EHBP1: variants seen among roughly 807,000 people sequenced by gnomAD.
EHBP1 encodes EH domain binding protein 1.
Under a neutral mutation model 144.0 loss-of-function variants are expected in EHBP1, and 55 were observed. That is an observed-to-expected ratio of 0.38 (90% CI 0.31 to 0.48). The LOEUF (loss-of-function observed/expected upper bound fraction) is 0.48, where lower values mean the gene tolerates loss of function less well. EHBP1 is among the 20% of genes least tolerant of loss of function. The pLI, the probability that EHBP1 is intolerant of heterozygous loss-of-function variation, is 0.98. For missense variants in EHBP1, 1,200 were observed against 1,364.2 expected (o/e 0.88, Z 1.90); for synonymous variants, 469 against 472.7 (o/e 0.99, Z 0.10).
intron 16 of EHBP1, among the ~76,000 whole-genome samples, chr2:62,992,143 C>G (rs183263370): frequency 1.1e-4 from 16 of 152,074 alleles, no homozygotes; most frequent in Non-Finnish European, 1.9e-4. Flanking sequence ...GCTGGCTAAT[C>G]GCACTGATAT....
chr2:62,753,267 G>T (rs1001803051), intron 3 of EHBP1, among the ~76,000 whole-genome samples: 3 of 152,104 alleles, frequency 2.0e-5, no homozygotes, highest in Admixed American at 6.5e-5. Context: ...ATGAAGCTTA[G>T]TTTGGCTGGA....
intron 14 of EHBP1, among the ~76,000 whole-genome samples, chr2:62,972,468 A>G (rs1033141819): frequency 3.3e-5 from 5 of 152,170 alleles, no homozygotes; most frequent in Admixed American, 3.3e-4. Flanking sequence ...ATTAAAATGA[A>G]CTAGTTTTAC....
chr2:63,045,699 A>C lies in EHBP1; in HGVS notation c.*199A>C, dbSNP rs1300300203. 1 of 537,010 alleles carries C rather than the reference A, an allele frequency of 1.9e-6. No individual in the cohort carries two copies. The highest frequency in any genetic ancestry group is 1.9e-5 in the African/African-American group (1 of 52,432). The allele number at this position is 537,010 out of a possible 1,614,324, so 33.3% of individuals were successfully genotyped here. On this transcript the variant is annotated 3_prime_UTR_variant, in exon 23 of 23. Transcript: ENST00000431489. This position sits in a 1 kb window ranked among gnomAD's most constrained non-coding sequence, Gnocchi z 5.7. ...CAGAACTCCAAAATAGCTTCATTTA[A>C]GGATTTTTTTGTGAGTTAACAATTT... is the stretch of plus-strand genomic sequence containing the variant.
intron 5 of EHBP1, among the ~76,000 whole-genome samples, chr2:62,817,762 G>A (rs1489855458): frequency 1.3e-5 from 2 of 151,988 alleles, no homozygotes; most frequent in East Asian, 1.9e-4. Context: ...GAGTGTGTGC[G>A]TGTTCAGAGG....
At chr2:62,943,033 T>C (rs1209495906) in intron 11 of EHBP1, 137 bp downstream of exon 11, 2 of 658,976 alleles carry the variant, frequency 3.0e-6, no homozygotes, top group Non-Finnish European at 4.9e-6. Context: ...TTGAGAGATA[T>C]ATGTCAGAAA....
rs765529579 is a variant in EHBP1 at position 62,926,671 on chromosome 2, AAAC to A, written c.1186-16035_1186-16033del. 1.8e-4 allele frequency among the ~76,000 whole-genome samples: 27 copies of A among 152,192 alleles called. No homozygotes were observed. The East Asian group carries it at 2.5e-3, about 14-fold the overall frequency. On this transcript the variant is annotated intron_variant, in intron 10 of 22. Coordinates refer to ENST00000431489, the MANE Select transcript of EHBP1 (RefSeq NM_001142616.3). ...AAGATGGCTATTATCAAAAAGACAA[AAAC>A]AACAACAACAAAAAAACAAATGCTG...
At chr2:62,787,711 A>C (rs541243012) in intron 5 of EHBP1, among the ~76,000 whole-genome samples, 2 of 152,322 alleles carry the variant, frequency 1.3e-5, no homozygotes, top group African/African-American at 4.8e-5. Context: ...AAAAGGAAGA[A>C]TAAGCTATTG....
chr2:62,997,375 C>A (rs1412497917), intron 19 of EHBP1, among the ~76,000 whole-genome samples: 2 of 147,088 alleles, frequency 1.4e-5, no homozygotes, highest in African/African-American at 5.0e-5. Context: ...ATGCTGATTG[C>A]CAATGGTGAT....
intron 6 of EHBP1, among the ~76,000 whole-genome samples, chr2:62,826,861 G>A (rs1032257377): frequency 3.9e-5 from 6 of 152,110 alleles, no homozygotes; most frequent in Non-Finnish European, 7.4e-5. Context: ...ACAAAATGAG[G>A]TGAACATACC....
At position 62,904,596 on chromosome 2, in the gene EHBP1, G is replaced by A. The variant is rs721048; in HGVS notation, c.1185+30064G>A. Among the ~76,000 whole-genome samples, 20,208 of 152,112 alleles carry A rather than the reference G, an allele frequency of 0.13. 1,698 individuals are homozygous for A. The highest frequency in any genetic ancestry group is 0.18 in the Admixed American group (2,821 of 15,290). On this transcript the variant is annotated intron_variant, in intron 10 of 22. Coordinates refer to ENST00000431489, the MANE Select transcript of EHBP1 (RefSeq NM_001142616.3). ...CCTGAGGATTATCAAGGTCCCTTGG[G>A]GAATAAGGACCTCAGTGTGGAACAG...
At chr2:62,905,734 G>A (rs1259793470) in intron 10 of EHBP1, among the ~76,000 whole-genome samples, 1 of 151,964 alleles carries the variant, frequency 6.6e-6, no homozygotes, top group Admixed American at 6.6e-5. Flanking sequence ...TGAGGCATGA[G>A]AATCACTTGA....
chr2:62,679,653 C>T (rs2151725894), intron 1 of EHBP1, among the ~76,000 whole-genome samples: 1 of 152,202 alleles, frequency 6.6e-6, no homozygotes, highest in African/African-American at 2.4e-5. Context: ...GCAAATTTCT[C>T]AACGGTAATA....
intron 1 of EHBP1, among the ~76,000 whole-genome samples, chr2:62,691,517 C>A (rs566333473): frequency 7.9e-5 from 12 of 152,158 alleles, no homozygotes; most frequent in Non-Finnish European, 1.8e-4. Context: ...GAAAATGGCT[C>A]ACTTAGAAAT....
At chr2:63,017,732 A>G (rs929804972) in intron 19 of EHBP1, among the ~76,000 whole-genome samples, 7 of 152,212 alleles carry the variant, frequency 4.6e-5, no homozygotes, top group Admixed American at 4.6e-4. Context: ...ATGAATTAAT[A>G]TTGTTCTCTT....
chr2:62,856,145 G>A (rs531255104), intron 7 of EHBP1, among the ~76,000 whole-genome samples: 1 of 152,314 alleles, frequency 6.6e-6, no homozygotes, highest in South Asian at 2.1e-4. Context: ...TGTAGGACAA[G>A]AACTCAGCTC....
chr2:62,828,458 A>G (rs1418627802), intron 6 of EHBP1, among the ~76,000 whole-genome samples: 1 of 152,230 alleles, frequency 6.6e-6, no homozygotes, highest in Non-Finnish European at 1.5e-5. Context: ...GATTTATCAA[A>G]TACATGGTAT....
chr2:62,816,053 A>C (rs1216072800), intron 5 of EHBP1, among the ~76,000 whole-genome samples: 1 of 152,220 alleles, frequency 6.6e-6, no homozygotes, highest in African/African-American at 2.4e-5. Context: ...TTCGGTATAA[A>C]ATCAAATACG....
At chr2:63,012,261 A>C (rs1427406950) in intron 19 of EHBP1, among the ~76,000 whole-genome samples, 1 of 152,030 alleles carries the variant, frequency 6.6e-6, no homozygotes, top group East Asian at 1.9e-4. Context: ...ACATGATATA[A>C]CCAAATGCTA....
intron 10 of EHBP1, among the ~76,000 whole-genome samples, chr2:62,902,450 C>A (rs1056709671): frequency 2.0e-5 from 3 of 151,828 alleles, no homozygotes; most frequent in African/African-American, 7.3e-5. Context: ...AATTACCTTG[C>A]AGTTTGAAAA....
Sources: gnomAD v4.1 joint callset for allele counts (sites outside exome capture counted in the v4.1 genomes callset) on GRCh38, gnomAD v4.1.1 for gene constraint, Gnocchi (gnomAD v3.1) non-coding constraint, MANE v1.5 for transcripts, NCBI Gene and HGNC (gene_info 2026-07-23, HGNC 2026-07-21) for gene names.